The following SPOCK3 variants were observed in gnomAD, a reference collection of about 807,000 sequenced individuals.
SPOCK3 encodes SPARC (osteonectin), cwcv and kazal like domains proteoglycan 3, also known as testican-3.
In SPOCK3, 30 loss-of-function variants were observed where a neutral mutation model predicts 56.6. The ratio of observed to expected loss-of-function variants is 0.53; its 90% confidence interval spans 0.40 to 0.72. The LOEUF (loss-of-function observed/expected upper bound fraction) is 0.72, where lower values mean the gene tolerates loss of function less well. Among genes scored for constraint, SPOCK3 ranks in the 30% least tolerant of loss-of-function variants. The probability of loss-of-function intolerance (pLI) is 0.00; values close to 1 mark genes in which losing one functional copy is unlikely to be tolerated. For synonymous variants in SPOCK3, 196 were observed against 183.3 expected (o/e 1.07, Z -0.56); for missense variants, 527 against 530.0 (o/e 0.99, Z 0.06).
intron 6 of SPOCK3, among the ~76,000 whole-genome samples, chr4:166,858,771 A>G (rs1463309972): frequency 6.6e-6 from 1 of 152,186 alleles, no homozygotes. Context: ...ATGTAACAAT[A>G]TTTTTAAAAT....
chr4:167,058,647 C>A (rs866675493), intron 3 of SPOCK3, among the ~76,000 whole-genome samples: 4 of 152,228 alleles, frequency 2.6e-5, no homozygotes, highest in Middle Eastern at 3.4e-3. Context: ...TTGGAAAAAA[C>A]TACTTTAAAG....
intron 2 of SPOCK3, among the ~76,000 whole-genome samples, chr4:167,149,942 G>A (rs1228075457): frequency 6.6e-6 from 1 of 151,912 alleles, no homozygotes; most frequent in Admixed American, 6.6e-5. Context: ...ACATTGGGCA[G>A]GTTACTTCTC....
intron 5 of SPOCK3, among the ~76,000 whole-genome samples, chr4:166,901,134 C>T (rs761399313): frequency 2.0e-5 from 3 of 152,116 alleles, no homozygotes; most frequent in Non-Finnish European, 4.4e-5. Context: ...CCATGCAAAT[C>T]ACCTGTCAAC....
At chr4:167,041,752 T>C (rs1316494547) in intron 3 of SPOCK3, among the ~76,000 whole-genome samples, 1 of 152,150 alleles carries the variant, frequency 6.6e-6, no homozygotes, top group Non-Finnish European at 1.5e-5. Flanking sequence ...TGGAAGTATT[T>C]TGAATGCTGC....
At chr4:166,740,600 A>G (rs1009926798) in intron 9 of SPOCK3, among the ~76,000 whole-genome samples, 1 of 151,628 alleles carries the variant, frequency 6.6e-6, no homozygotes, top group Non-Finnish European at 1.5e-5. Context: ...ATCTCGGCTC[A>G]CTGCAACATC....
intron 4 of SPOCK3, among the ~76,000 whole-genome samples, chr4:166,921,974 C>T (rs35829572): frequency 6.6e-6 from 1 of 151,996 alleles, no homozygotes; most frequent in Non-Finnish European, 1.5e-5. Flanking sequence ...TAGCCGTCAC[C>T]TGTTAGGAAC....
intron 2 of SPOCK3, among the ~76,000 whole-genome samples, chr4:167,164,606 C>T (rs1321960773): frequency 6.6e-6 from 1 of 151,378 alleles, no homozygotes; most frequent in African/African-American, 2.4e-5. Flanking sequence ...CCAACCCCCA[C>T]ACAGGCCCCG....
At chr4:167,201,805 T>C (rs1017239574) in intron 2 of SPOCK3, among the ~76,000 whole-genome samples, 9 of 151,874 alleles carry the variant, frequency 5.9e-5, no homozygotes, top group Non-Finnish European at 1.2e-4. Context: ...AACTAATGTA[T>C]CTTCTAAGGA....
intron 4 of SPOCK3, among the ~76,000 whole-genome samples, chr4:166,959,877 G>C (rs377019722): frequency 6.6e-6 from 1 of 151,982 alleles, no homozygotes; most frequent in African/African-American, 2.4e-5. Context: ...TTAATTAAGG[G>C]AGTAGGCACA....
intron 2 of SPOCK3, among the ~76,000 whole-genome samples, chr4:167,071,942 G>T (rs1318039812): frequency 1.3e-5 from 2 of 151,988 alleles, no homozygotes. Flanking sequence ...GTATCTCATT[G>T]TGGTAAGAAC....
chr4:167,233,721 G>C (rs932069982), intron 2 of SPOCK3, among the ~76,000 whole-genome samples: 1 of 152,164 alleles, frequency 6.6e-6, no homozygotes, highest in Non-Finnish European at 1.5e-5. Context: ...GGCCGGGAGG[G>C]GGCACAGGGG....
chr4:166,790,404 G>C (rs1168544111), intron 7 of SPOCK3, among the ~76,000 whole-genome samples: 9 of 152,218 alleles, frequency 5.9e-5, no homozygotes, highest in Non-Finnish European at 5.9e-5. Context: ...AGGAGCTGAG[G>C]GAGCCGAGGG....
chr4:166,793,115 C>T (rs1047157784), intron 6 of SPOCK3, among the ~76,000 whole-genome samples: 2 of 152,044 alleles, frequency 1.3e-5, no homozygotes, highest in East Asian at 1.9e-4. Context: ...GTTTAGAGGA[C>T]GTTGTTACTG....
intron 4 of SPOCK3, among the ~76,000 whole-genome samples, chr4:166,992,388 T>G (rs988223591): frequency 2.6e-5 from 4 of 152,208 alleles, no homozygotes; most frequent in African/African-American, 9.6e-5. Context: ...CCCTTTTCTA[T>G]GTAGCTAATA....
At chr4:166,806,841 T>C (rs974348346) in intron 6 of SPOCK3, among the ~76,000 whole-genome samples, 1 of 152,038 alleles carries the variant, frequency 6.6e-6, no homozygotes, top group East Asian at 1.9e-4. Context: ...AGACCCTTAG[T>C]AGATACTTGA....
chr4:166,790,763 T>C (rs1233030357), intron 7 of SPOCK3, among the ~76,000 whole-genome samples: 1 of 152,174 alleles, frequency 6.6e-6, no homozygotes, highest in East Asian at 1.9e-4. Context: ...CAGTCTGAAC[T>C]CAAGCTTAGG....
In SPOCK3 at chr4:166,847,647, TTATATATATATATATA is replaced by T. The variant is rs147015731; in HGVS notation, c.589+41467_589+41482del. ...CACAATTCAAAAGGAAAATCCTAGTTTATATATATATATATATATATATATATATATATAAGAATCA... is the reference window on the plus strand; with the variant it reads ...CACAATTCAAAAGGAAAATCCTAGTTTATATATATATATATATAAGAATCA... On this transcript the variant is annotated intron_variant, in intron 6 of 10. Coordinates refer to ENST00000357545, the MANE Select transcript of SPOCK3 (RefSeq NM_001040159.2). 2.2e-4 allele frequency among the ~76,000 whole-genome samples: 12 copies of T among 55,408 alleles called. 1 individual carries two copies. The South Asian group carries it at 4.3e-3, about 20-fold the overall frequency. 36.3% of individuals were successfully genotyped at this position (55,408 alleles called of 152,430 possible).
intron 4 of SPOCK3, among the ~76,000 whole-genome samples, chr4:166,991,997 T>C (rs1334772393): frequency 6.6e-6 from 1 of 152,160 alleles, no homozygotes. Context: ...CAATAAAGTA[T>C]TAAGTTAAGT....
chr4:167,135,788 G>A (rs1763071675), intron 2 of SPOCK3, among the ~76,000 whole-genome samples: 1 of 151,228 alleles, frequency 6.6e-6, no homozygotes, highest in African/African-American at 2.4e-5. Flanking sequence ...GCTGAATAAA[G>A]CACTTGTCAA....
Sources: gnomAD v4.1 joint callset for allele counts (sites outside exome capture counted in the v4.1 genomes callset) on GRCh38, gnomAD v4.1.1 for gene constraint, MANE v1.5 for transcripts, NCBI Gene and HGNC (gene_info 2026-07-23, HGNC 2026-07-21) for gene names.